Variants in AGBL4 observed in about 807,000 individuals in gnomAD.
The protein encoded by AGBL4 is cytosolic carboxypeptidase 6.
In AGBL4, 58 loss-of-function variants were observed where a neutral mutation model predicts 66.4. The observed-to-expected ratio is 0.87, with a 90% CI of 0.71 to 1.09. The LOEUF (loss-of-function observed/expected upper bound fraction) is 1.09. AGBL4 is among the 50% of genes least tolerant of loss of function. The pLI is 0.00. For missense variants in AGBL4, 579 were observed against 631.0 expected, an observed-to-expected ratio of 0.92 and a Z score of 0.88; for synonymous variants, 234 against 222.9, an observed-to-expected ratio of 1.05 and a Z score of -0.44.
At chr1:48,843,622 C>A (rs1646852501) in intron 6 of AGBL4, among the ~76,000 whole-genome samples, 1 of 152,014 alleles carries the variant, frequency 6.6e-6, no homozygotes, top group African/African-American at 2.4e-5. Flanking sequence ...AACATACACA[C>A]ACATATACTC....
intron 1 of AGBL4, among the ~76,000 whole-genome samples, chr1:49,971,931 T>TTTTTTTTTTTTC: frequency 7.6e-6 from 1 of 131,060 alleles, no homozygotes; most frequent in Non-Finnish European, 1.6e-5. Context: ...TTTTTTTTTT[T>TTTTTTTTTTTTC]TGCAGGGACG....
intron 3 of AGBL4, among the ~76,000 whole-genome samples, chr1:49,681,952 C>T (rs1646702786): frequency 6.6e-6 from 1 of 152,120 alleles, no homozygotes; most frequent in Non-Finnish European, 1.5e-5. Context: ...TACCATTAAG[C>T]TGCAATTTTA....
chr1:49,801,700 A>G (rs1257175055), intron 2 of AGBL4, among the ~76,000 whole-genome samples: 1 of 152,218 alleles, frequency 6.6e-6, no homozygotes, highest in Non-Finnish European at 1.5e-5. Context: ...ATGAATGCTC[A>G]AAGAAGTAAC....
At chr1:50,021,181 T>C (rs539980817) in intron 1 of AGBL4, among the ~76,000 whole-genome samples, 1 of 152,320 alleles carries the variant, frequency 6.6e-6, no homozygotes, top group African/African-American at 2.4e-5. Context: ...ATTCCATTTA[T>C]CTTGAAACAT....
At chr1:49,006,165 G>A (rs1314549834) in intron 5 of AGBL4, among the ~76,000 whole-genome samples, 1 of 152,166 alleles carries the variant, frequency 6.6e-6, no homozygotes, top group Non-Finnish European at 1.5e-5. Context: ...GTCAGTGGGT[G>A]CGTGCACCGT....
intron 2 of AGBL4, among the ~76,000 whole-genome samples, chr1:49,759,998 T>C (rs1306492782): frequency 1.3e-5 from 2 of 152,206 alleles, no homozygotes; most frequent in African/African-American, 4.8e-5. Flanking sequence ...ACAGGAGTTT[T>C]ATGGGGGTTG....
chr1:48,626,622 AG>A (rs1053433727), intron 9 of AGBL4, among the ~76,000 whole-genome samples: 1 of 151,490 alleles, frequency 6.6e-6, no homozygotes, highest in Non-Finnish European at 1.5e-5. Context: ...TGTGTAGACA[AG>A]GGGGAAAGTA....
intron 1 of AGBL4, among the ~76,000 whole-genome samples, chr1:49,933,655 G>T (rs1463829274): frequency 6.6e-6 from 1 of 152,058 alleles, no homozygotes; most frequent in Non-Finnish European, 1.5e-5. Context: ...TGTGAGGGGG[G>T]TGAAATAAAA....
chr1:49,807,125 T>C (rs1252069911), intron 2 of AGBL4, among the ~76,000 whole-genome samples: 3 of 152,040 alleles, frequency 2.0e-5, no homozygotes, highest in Admixed American at 6.5e-5. Context: ...GAGTCTCCAC[T>C]AGGTCAATGT....
At chr1:49,696,268 T>C (rs1646982127) in intron 3 of AGBL4, among the ~76,000 whole-genome samples, 1 of 152,136 alleles carries the variant, frequency 6.6e-6, no homozygotes, top group Non-Finnish European at 1.5e-5. Flanking sequence ...TTGAGTTTTA[T>C]TAATGTTTAT....
intron 6 of AGBL4, among the ~76,000 whole-genome samples, chr1:48,865,589 T>C (rs2148822951): frequency 1.3e-5 from 2 of 152,256 alleles, no homozygotes; most frequent in Middle Eastern, 6.8e-3. Flanking sequence ...CTAAATGGAC[T>C]GTACTAAAGA....
At chr1:49,660,086 C>CA (rs1327973577) in intron 3 of AGBL4, among the ~76,000 whole-genome samples, 5 of 151,520 alleles carry the variant, frequency 3.3e-5, no homozygotes, top group Admixed American at 1.3e-4. Context: ...GCAACAAAAG[C>CA]AAAAAAATGA....
intron 2 of AGBL4, among the ~76,000 whole-genome samples, chr1:49,735,204 T>C (rs1198993359): frequency 1.3e-5 from 2 of 151,898 alleles, no homozygotes; most frequent in Non-Finnish European, 2.9e-5. Flanking sequence ...GTGATTACAG[T>C]AAGACCATAA....
intron 1 of AGBL4, among the ~76,000 whole-genome samples, chr1:49,967,037 G>T (rs1282855240): frequency 2.0e-5 from 3 of 152,076 alleles, no homozygotes; most frequent in Admixed American, 2.0e-4. Flanking sequence ...GGATTACTGG[G>T]TCAAATGGTA....
At chr1:49,024,880 G>A (rs1413702441) in intron 5 of AGBL4, among the ~76,000 whole-genome samples, 1 of 152,122 alleles carries the variant, frequency 6.6e-6, no homozygotes, top group African/African-American at 2.4e-5. Flanking sequence ...GGTGACTCTA[G>A]AGAGGTTATT....
intron 11 of AGBL4, among the ~76,000 whole-genome samples, chr1:48,556,991 T>C (rs985651076): frequency 1.8e-4 from 28 of 152,146 alleles, no homozygotes; most frequent in African/African-American, 6.3e-4. Flanking sequence ...GATTTCACTA[T>C]GTTGCCCAGG....
At chr1:48,987,672 T>C (rs774362620) in intron 5 of AGBL4, among the ~76,000 whole-genome samples, 8 of 152,112 alleles carry the variant, frequency 5.3e-5, no homozygotes, top group East Asian at 1.9e-4. Context: ...TTGACACTTA[T>C]AGAACATTCC....
chr1:48,602,696 C>G (rs577828633), intron 9 of AGBL4, among the ~76,000 whole-genome samples: 1 of 152,020 alleles, frequency 6.6e-6, no homozygotes, highest in Non-Finnish European at 1.5e-5. Flanking sequence ...TTCCTATCTG[C>G]TTTATTTGGT....
intron 5 of AGBL4, among the ~76,000 whole-genome samples, chr1:48,912,531 T>C (rs1653226676): frequency 6.6e-6 from 1 of 152,184 alleles, no homozygotes; most frequent in Non-Finnish European, 1.5e-5. Context: ...AGATATGATG[T>C]TGTTCAGCCT....
Sources: gnomAD v4.1 joint callset for allele counts (sites outside exome capture counted in the v4.1 genomes callset) on GRCh38, gnomAD v4.1.1 for gene constraint, MANE v1.5 for transcripts, NCBI Gene and HGNC (gene_info 2026-07-23, HGNC 2026-07-21) for gene names.